ANK2: variants seen among roughly 807,000 people sequenced by gnomAD.
ANK2 encodes ankyrin 2.
In ANK2, 83 loss-of-function variants were observed where a neutral mutation model predicts 360.5. That is an observed-to-expected ratio of 0.23 (90% CI 0.19 to 0.28). The LOEUF (loss-of-function observed/expected upper bound fraction) is 0.28, where lower values mean the gene tolerates loss of function less well. Among genes scored for constraint, ANK2 ranks in the 10% least tolerant of loss-of-function variants. ANK2 has a pLI of 1.00. For synonymous variants in ANK2, 1,740 were observed against 1,759.5 expected (o/e 0.99, Z 0.28); for missense variants, 4,201 against 4,795.7 (o/e 0.88, Z 3.66).
intron 2 of ANK2, among the ~76,000 whole-genome samples, chr4:113,181,985 A>C (rs181293475): frequency 3.5e-5 from 4 of 114,582 alleles, no homozygotes; most frequent in Non-Finnish European, 7.3e-5. Flanking sequence ...AGTAAGGCTC[A>C]GGCTGAAAGG....
intron 1 of ANK2, among the ~76,000 whole-genome samples, chr4:113,154,851 A>G (rs758284394): frequency 2.6e-5 from 4 of 152,148 alleles, no homozygotes; most frequent in Non-Finnish European, 4.4e-5. Flanking sequence ...TTTAAATGTA[A>G]CCCAGGCAGT....
Position 113,353,367 on chromosome 4 carries a change from TGA to T in ANK2, c.4755_4756del (p.Gly1586IlefsTer3), listed in dbSNP as rs753386742. The T allele has an allele frequency of 6.2e-7, 1 of 1,613,928 alleles. No individual in the cohort carries two copies. The highest frequency in any genetic ancestry group is 8.5e-7 in the Non-Finnish European group (1 of 1,179,952). ...DESSVQSSRS[E>X]RGLVEEEWVI... Reference sequence around the variant, plus strand: ...AAAGCAGTGTGCAGAGCTCTCGGTCTGAGAGAGGATTAGTTGAAGAGGAATGG... The same window carrying T: ...AAAGCAGTGTGCAGAGCTCTCGGTCTGAGAGGATTAGTTGAAGAGGAATGG... On this transcript the variant is annotated frameshift_variant, in exon 38 of 46. Coordinates refer to ENST00000357077, the MANE Select transcript of ANK2 (RefSeq NM_001148.6). LOFTEE classifies it high-confidence loss of function.
At chr4:112,754,046 C>T in the ANK2 span, among the ~76,000 whole-genome samples, 1 of 145,324 alleles carries the variant, frequency 6.9e-6, no homozygotes, top group Non-Finnish European at 1.5e-5. Flanking sequence ...TGCAGTGAGC[C>T]GAGATTACGC....
At chr4:113,043,765 A>G (rs547761172) in intron 2 of ANK2, among the ~76,000 whole-genome samples, 3 of 152,312 alleles carry the variant, frequency 2.0e-5, no homozygotes, top group South Asian at 2.1e-4. Flanking sequence ...TCAGTGAGTC[A>G]AGAAGGGAGA....
intron 29 of ANK2, among the ~76,000 whole-genome samples, chr4:113,333,677 A>G (rs74426797): frequency 0.036 from 5,416 of 152,312 alleles, 150 homozygotes; most frequent in Non-Finnish European, 0.059. Context: ...TCTACCCATA[A>G]TTAGTAAGTT....
chr4:113,133,510 C>A (rs2096202451), intron 1 of ANK2, among the ~76,000 whole-genome samples: 1 of 151,990 alleles, frequency 6.6e-6, no homozygotes, highest in Non-Finnish European at 1.5e-5. Context: ...ACCCCAGATG[C>A]CAGATTCCAA....
chr4:113,217,551 GT>G (rs1479435366), intron 4 of ANK2, among the ~76,000 whole-genome samples: 58 of 152,148 alleles, frequency 3.8e-4, no homozygotes, highest in African/African-American at 1.3e-3. Flanking sequence ...GGATGAAGCC[GT>G]TCTGCCTCAA....
At chr4:113,256,570 A>G (rs1475466170) in intron 11 of ANK2, among the ~76,000 whole-genome samples, 1 of 152,246 alleles carries the variant, frequency 6.6e-6, no homozygotes. Context: ...CTGATATTGA[A>G]TAAGTCTTCC....
intron 4 of ANK2, among the ~76,000 whole-genome samples, chr4:113,215,662 C>T (rs1346445860): frequency 2.0e-5 from 3 of 152,086 alleles, no homozygotes; most frequent in Non-Finnish European, 4.4e-5. Flanking sequence ...GCATTTGCTA[C>T]AAACAGCCAG....
intron 2 of ANK2, among the ~76,000 whole-genome samples, chr4:113,188,197 A>G (rs1290511865): frequency 1.3e-5 from 2 of 152,226 alleles, no homozygotes; most frequent in Non-Finnish European, 2.9e-5. Flanking sequence ...CCCACATCAG[A>G]GTAGATGGAC....
At chr4:113,234,588 G>A (rs1419432853) in intron 5 of ANK2, among the ~76,000 whole-genome samples, 2 of 152,020 alleles carry the variant, frequency 1.3e-5, no homozygotes, top group Non-Finnish European at 2.9e-5. Context: ...ATTGCCATTT[G>A]ATATCCTGTG....
chr4:113,264,533 C>T (rs920270949), intron 13 of ANK2, among the ~76,000 whole-genome samples: 5 of 151,926 alleles, frequency 3.3e-5, no homozygotes, highest in Non-Finnish European at 5.9e-5. Flanking sequence ...AATAAACATT[C>T]GTTTTATCCT....
intron 2 of ANK2, among the ~76,000 whole-genome samples, chr4:113,016,800 G>GGAAAGGCTCTAA (rs2056766738): frequency 6.6e-6 from 1 of 152,184 alleles, no homozygotes; most frequent in African/African-American, 2.4e-5. Context: ...AAGAACTACT[G>GGAAAGGCTCTAA]AGGACAAGAA....
chr4:112,967,723 G>A (rs2037870502), intron 2 of ANK2, among the ~76,000 whole-genome samples: 1 of 152,126 alleles, frequency 6.6e-6, no homozygotes, highest in African/African-American at 2.4e-5. Flanking sequence ...TATTTTAGCT[G>A]GATCCTTCAT....
intron 1 of ANK2, among the ~76,000 whole-genome samples, chr4:113,054,543 G>A (rs898033841): frequency 1.3e-5 from 2 of 152,080 alleles, no homozygotes. Flanking sequence ...AAATAGTATT[G>A]GAGTCAATTA....
chr4:112,943,831 C>T (rs2094392371), intron 2 of ANK2, among the ~76,000 whole-genome samples: 1 of 151,996 alleles, frequency 6.6e-6, no homozygotes, highest in Non-Finnish European at 1.5e-5. Context: ...GAAGAGATTA[C>T]TTTGAGAGAA....
Position 113,358,735 on chromosome 4 carries a change from G to C in ANK2, c.10117G>C (p.Ala3373Pro). Residue 3373 changes from alanine to proline, a missense_variant, in exon 38 of 46, where the codon GCT (alanine) becomes CCT (proline). Physicochemically the swap from Ala to Pro is conservative, Grantham distance 27. Around this residue, in one of 4 missense-constraint regions of ANK2, gnomAD observed 2,642 missense variants for 2,714.5 expected, o/e 0.97. Coordinates refer to ENST00000357077, the MANE Select transcript of ANK2 (RefSeq NM_001148.6). Reference protein sequence around the residue: ...DLDTSVQKTVAPQGQDMASIA... With the variant: ...DLDTSVQKTVPPQGQDMASIA... ...AGACACCTCTGTCCAGAAGACAGTG[G>C]CTCCTCAGGGACAGGACATGGCAAG... The C allele has an allele frequency of 1.2e-6, 2 of 1,614,032 alleles. No homozygotes were observed. The highest frequency in any genetic ancestry group is 2.7e-5 in the African/African-American group (2 of 75,016).
chr4:113,203,562 G>A (rs2098888640), intron 4 of ANK2, among the ~76,000 whole-genome samples: 1 of 152,060 alleles, frequency 6.6e-6, no homozygotes. Context: ...ATGATTGGAG[G>A]ATGAATATAT....
intron 4 of ANK2, among the ~76,000 whole-genome samples, chr4:113,217,392 C>CAT (rs1051562283): frequency 2.2e-4 from 34 of 152,076 alleles, no homozygotes; most frequent in Non-Finnish European, 3.5e-4. Context: ...ATATTTTAAC[C>CAT]ATATATATAT....
Sources: allele counts gnomAD v4.1 joint callset (sites outside exome capture counted in the v4.1 genomes callset), GRCh38; gene constraint gnomAD v4.1.1; regional missense constraint gnomAD v4.1.1; transcripts MANE v1.5; gene names NCBI Gene and HGNC (gene_info 2026-07-23, HGNC 2026-07-21).